The following GABRR3 variants were observed in gnomAD, a reference collection of about 807,000 sequenced individuals.
GABRR3 encodes gamma-aminobutyric acid receptor subunit rho-3.
Under a neutral mutation model 43.2 loss-of-function variants are expected in GABRR3, and 29 were observed. That is an observed-to-expected ratio of 0.67 (90% confidence interval 0.50 to 0.92). The LOEUF (loss-of-function observed/expected upper bound fraction) is 0.92, where lower values mean the gene tolerates loss of function less well. Among genes scored for constraint, GABRR3 ranks in the 40% least tolerant of loss-of-function variants. The pLI, the probability that GABRR3 is intolerant of heterozygous loss-of-function variation, is 0.00. For synonymous variants in GABRR3, 206 were observed against 195.9 expected (o/e 1.05, Z -0.43); for missense variants, 576 against 572.3 (o/e 1.01, Z -0.07).
rs199692984 is a variant in GABRR3, at chr3:98,009,291, GA to G, written c.531-254del. Among the ~76,000 whole-genome samples, 850 of 152,282 alleles carry G rather than the reference GA, an allele frequency of 5.6e-3. 4 individuals carry two copies. The highest frequency in any genetic ancestry group is 0.017 in the Middle Eastern group (5 of 294). Reference sequence around the variant, plus strand: ...CTTGCTTCTGAGTTCACCATTTCCTGATCAGCCCCCTCAGTATTTTCTGGCT... The same window carrying G: ...CTTGCTTCTGAGTTCACCATTTCCTGTCAGCCCCCTCAGTATTTTCTGGCT... On this transcript the variant is annotated intron_variant, in intron 5 of 9. Coordinates refer to ENST00000621172, the Ensembl canonical transcript of GABRR3.
In GABRR3 at chr3:98,029,017, C is replaced by A. The variant is rs58573407; in HGVS notation, c.126-3338G>T. Among the ~76,000 whole-genome samples, 849 of 152,076 alleles carry A rather than the reference C, an allele frequency of 5.6e-3. 10 individuals carry two copies. The highest frequency in any genetic ancestry group is 0.02 in the African/African-American group (811 of 41,428). Reference sequence around the variant, plus strand: ...AATCCCTTTGTGTCTTCTCCCCTCTCCCCCATTCTAGAAAAAAAAAATGAT... The same window carrying A: ...AATCCCTTTGTGTCTTCTCCCCTCTACCCCATTCTAGAAAAAAAAAATGAT... On this transcript the variant is annotated intron_variant, in intron 2 of 9. Transcript: ENST00000621172.
intron 5 of GABRR3, among the ~76,000 whole-genome samples, chr3:98,009,983 T>A (rs894335013): frequency 6.6e-6 from 1 of 152,126 alleles, no homozygotes; most frequent in Non-Finnish European, 1.5e-5. Context: ...AGAGGCTAGG[T>A]GGCTAGGTAG....
In GABRR3 at chr3:98,012,450, G is replaced by A. The variant is rs759916828; in HGVS notation, c.424C>T (p.Pro142Ser). 5 of 1,613,780 alleles carry A rather than the reference G, an allele frequency of 3.1e-6. No individual in the cohort carries two copies. In the South Asian group the frequency reaches 5.5e-5, roughly 18 times the overall value. ...TTAGAGTGGACAAAAAAGATATCAG[G>A]CACCCAGATCTTTCTGGTCAATCTA... The change falls in exon 5 of 10, where the codon CCT becomes TCT. Residue 142 changes from proline to serine, a missense_variant. Transcript: ENST00000621172.
Position 98,001,737 on chromosome 3 carries a change from A to T in GABRR3, c.785T>A (p.Val262Glu). Residue 262 changes from valine to glutamate, a missense_variant, in exon 8 of 10, where the codon GTG becomes GAG. Physicochemically the swap from Val to Glu is moderately radical, Grantham distance 121. Transcript: ENST00000621172. The stretch of plus-strand genomic sequence containing the variant: ...AAAGAAGAAAACATGCCTCCTTAGC[A>T]CAAAGTTGATGAAAAGCCTATTGTA... The T allele has an allele frequency of 1.2e-6, 2 of 1,613,236 alleles. No homozygotes were observed. The highest frequency in any genetic ancestry group is 2.2e-5 in the East Asian group (1 of 44,876).
intron 4 of GABRR3, 68 bp from the exon 5 acceptor site, chr3:98,012,635 G>C (rs756523345): frequency 1.9e-6 from 2 of 1,046,650 alleles, no homozygotes; most frequent in African/African-American, 3.2e-5. Context: ...ACTCAACACT[G>C]TTAGTCCCAG....
At chr3:98,008,898 A>C in intron 6 of GABRR3, 58 bp downstream of exon 6, 1 of 894,554 alleles carries the variant, frequency 1.1e-6, no homozygotes, top group Non-Finnish European at 1.8e-6. Context: ...TTTACATGTA[A>C]GTATGTGATG....
At chr3:98,013,925 A>C (rs952062181) in intron 4 of GABRR3, among the ~76,000 whole-genome samples, 2 of 152,234 alleles carry the variant, frequency 1.3e-5, no homozygotes, top group South Asian at 4.1e-4. Context: ...TCTGTGATAT[A>C]GCAAGTCACC....
chr3:97,995,042 G>A (rs369483929), intron 8 of GABRR3, among the ~76,000 whole-genome samples: 7 of 151,826 alleles, frequency 4.6e-5, no homozygotes, highest in African/African-American at 1.7e-4. Flanking sequence ...GCAGTGGCAC[G>A]ATCTCGGCTC....
chr3:98,027,005 T>C lies in GABRR3; in HGVS notation c.126-1326A>G, dbSNP rs968271666. ...GTTGGGAAAAGAAATCTGTTTTTGGTAGAAGGCAATGAGTTTTATTTTAAA... is the reference window on the plus strand; with the variant it reads ...GTTGGGAAAAGAAATCTGTTTTTGGCAGAAGGCAATGAGTTTTATTTTAAA... On this transcript the variant is annotated intron_variant, in intron 2 of 9. Coordinates refer to ENST00000621172, the Ensembl canonical transcript of GABRR3. Among the ~76,000 whole-genome samples the C allele has an allele frequency of 9.0e-4, 137 of 152,314 alleles. 2 individuals carry two copies. Among genetic ancestry groups the C allele is most frequent in the East Asian group, 3.9e-4 (2 of 5,190 alleles).
At chr3:97,986,872 G>A in exon 10 of GABRR3, 1 of 1,611,956 alleles carries the variant, frequency 6.2e-7, no homozygotes. Flanking sequence ...TTCTCATGAA[G>A]TCTTCTGAGT....
intron 2 of GABRR3, among the ~76,000 whole-genome samples, chr3:98,031,775 C>A (rs1319230562): frequency 4.6e-5 from 7 of 151,866 alleles, no homozygotes; most frequent in African/African-American, 9.7e-5. Context: ...AAAAAACAAA[C>A]AAAAACAAGA....
chr3:97,991,396 G>A (rs767363769), intron 9 of GABRR3, among the ~76,000 whole-genome samples: 99 of 152,114 alleles, frequency 6.5e-4, no homozygotes, highest in African/African-American at 2.2e-3. Context: ...ACGAGGACCC[G>A]GGTGATGCCT....
At chr3:98,009,483 C>A (rs1197064641) in intron 5 of GABRR3, among the ~76,000 whole-genome samples, 1 of 152,214 alleles carries the variant, frequency 6.6e-6, no homozygotes, top group Non-Finnish European at 1.5e-5. Flanking sequence ...AGCAAGTTTA[C>A]CCGAGGATAT....
At chr3:98,025,621 C>T (rs1449671002) in exon 3 of GABRR3, 5 of 1,613,002 alleles carry the variant, frequency 3.1e-6, no homozygotes, top group Non-Finnish European at 4.2e-6. Context: ...AGAAGTTGCT[C>T]ATATTTCTGA....
chr3:97,995,730 A>G (rs1706545621), intron 8 of GABRR3, among the ~76,000 whole-genome samples: 1 of 152,172 alleles, frequency 6.6e-6, no homozygotes, highest in African/African-American at 2.4e-5. Context: ...TAGTTACATT[A>G]AATACACTTA....
chr3:98,017,683 C>T (rs1455124881), exon 4 of GABRR3: 3 of 1,611,140 alleles, frequency 1.9e-6, no homozygotes, highest in Middle Eastern at 1.7e-4. Context: ...GCTGTCAATG[C>T]TTTCAACATG....
chr3:98,007,782 C>T lies in GABRR3; in HGVS notation c.736G>A (p.Ala246Thr), dbSNP rs202020240. The T allele has an allele frequency of 2.5e-6, 4 of 1,613,502 alleles. No homozygotes were observed. In the South Asian group the frequency reaches 4.4e-5, roughly 18 times the overall value. The change falls in exon 7 of 10, where the codon GCT becomes ACT. Residue 246 changes from alanine to threonine, a missense_variant. Physicochemically the swap from Ala to Thr is moderately conservative, Grantham distance 58. Transcript: ENST00000621172. ...GCTGTACCTGTGCTGCTATAGAAAG[C>T]TAATCCACTAGATGCACTGAAGTCT...
chr3:97,985,162 A>C (rs1706368337), downstream of GABRR3, among the ~76,000 whole-genome samples: 1 of 152,222 alleles, frequency 6.6e-6, no homozygotes, highest in African/African-American at 2.4e-5. Context: ...AGGTATCGGA[A>C]TATTTCATAT....
intron 7 of GABRR3, 41 bp from the exon 8 acceptor site, chr3:98,001,808 C>T (rs368460208): frequency 1.2e-6 from 2 of 1,609,156 alleles, no homozygotes; most frequent in South Asian, 1.1e-5. Context: ...GCAAGCTTCC[C>T]CTTAGAAACA....
Sources: allele counts gnomAD v4.1 joint callset (sites outside exome capture counted in the v4.1 genomes callset), GRCh38; gene constraint gnomAD v4.1.1; transcripts MANE v1.5; gene names NCBI Gene and HGNC (gene_info 2026-07-23, HGNC 2026-07-21).